The following SLC44A5 variants were observed in gnomAD, a reference collection of about 807,000 sequenced individuals.
SLC44A5 encodes solute carrier family 44 member 5, also known as choline transporter-like protein 5.
Under a neutral mutation model 101.8 loss-of-function variants are expected in SLC44A5, and 57 were observed. That is an observed-to-expected ratio of 0.56 (90% CI 0.45 to 0.70). The LOEUF (loss-of-function observed/expected upper bound fraction) is 0.70, where lower values mean the gene tolerates loss of function less well. Among genes scored for constraint, SLC44A5 ranks in the 30% least tolerant of loss-of-function variants. The pLI, the probability that SLC44A5 is intolerant of heterozygous loss-of-function variation, is 0.00. For synonymous variants in SLC44A5, 281 were observed against 290.9 expected, an observed-to-expected ratio of 0.97 and a Z score of 0.35; for missense variants, 737 against 853.1, an observed-to-expected ratio of 0.86 and a Z score of 1.70.
intron 4 of SLC44A5, among the ~76,000 whole-genome samples, chr1:75,317,811 A>G (rs569045788): frequency 2.6e-5 from 4 of 152,200 alleles, no homozygotes; most frequent in South Asian, 2.1e-4. Context: ...GTTTCTTCTT[A>G]TAAGGTCACT....
chr1:75,285,752 T>C (rs988748810), intron 5 of SLC44A5, among the ~76,000 whole-genome samples: 2 of 152,128 alleles, frequency 1.3e-5, no homozygotes, highest in Admixed American at 1.3e-4. Context: ...GAGCAGGTTA[T>C]TTAATTTCCA....
chr1:75,259,549 T>A (rs1650309239), intron 6 of SLC44A5, among the ~76,000 whole-genome samples: 1 of 152,124 alleles, frequency 6.6e-6, no homozygotes, highest in African/African-American at 2.4e-5. Flanking sequence ...CAAATATATG[T>A]TTGATTGGTG....
intron 6 of SLC44A5, among the ~76,000 whole-genome samples, chr1:75,264,975 G>A (rs987362686): frequency 6.6e-6 from 1 of 152,108 alleles, no homozygotes; most frequent in Non-Finnish European, 1.5e-5. Context: ...CGCTATCAGA[G>A]ACTGTTATGA....
the SLC44A5 span, among the ~76,000 whole-genome samples, chr1:75,618,129 G>A: frequency 2.0e-5 from 3 of 152,188 alleles, no homozygotes; most frequent in Non-Finnish European, 2.9e-5. Context: ...GACCAGGAAT[G>A]GTTTCCTTTT....
In SLC44A5 at chr1:75,400,421, T is replaced by C. The variant is rs1447565006; in HGVS notation, c.14-3800A>G. Among the ~76,000 whole-genome samples the C allele has an allele frequency of 2.0e-5, 3 of 152,314 alleles. No individual in the cohort carries two copies. In the East Asian group the frequency reaches 5.8e-4, roughly 29 times the overall value. Reference sequence around the variant, plus strand: ...TGAAATGGAAGTGCATGGGTCCTTCTCACAGAGCCTATTTTTTAGTACTCA... The same window carrying C: ...TGAAATGGAAGTGCATGGGTCCTTCCCACAGAGCCTATTTTTTAGTACTCA... On this transcript the variant is annotated intron_variant, in intron 2 of 23. Transcript: ENST00000370859.
At chr1:75,211,968 C>T (rs1214907121) in intron 22 of SLC44A5, among the ~76,000 whole-genome samples, 1 of 151,112 alleles carries the variant, frequency 6.6e-6, no homozygotes, top group South Asian at 2.1e-4. Context: ...ATTTCTCCCT[C>T]GGATAACAGT....
intron 2 of SLC44A5, among the ~76,000 whole-genome samples, chr1:75,422,916 A>G (rs923157104): frequency 6.6e-6 from 1 of 152,218 alleles, no homozygotes; most frequent in African/African-American, 2.4e-5. Context: ...CAGACTTAAC[A>G]GAAGCCAGAC....
At chr1:75,293,306 G>A (rs1653709895) in intron 5 of SLC44A5, among the ~76,000 whole-genome samples, 1 of 152,140 alleles carries the variant, frequency 6.6e-6, no homozygotes, top group South Asian at 2.1e-4. Context: ...TTGTGCTCTA[G>A]GGTTGAGTCA....
chr1:75,288,024 T>C (rs1653212617), intron 5 of SLC44A5, among the ~76,000 whole-genome samples: 1 of 152,174 alleles, frequency 6.6e-6, no homozygotes, highest in Non-Finnish European at 1.5e-5. Context: ...AGGAGCTGGA[T>C]GGGGCCATGG....
chr1:75,508,528 C>T (rs878956643), intron 2 of SLC44A5, among the ~76,000 whole-genome samples: 5 of 151,762 alleles, frequency 3.3e-5, no homozygotes, highest in African/African-American at 1.2e-4. Context: ...AGTATTGAGA[C>T]ACAAAAATCC....
Position 75,469,792 on chromosome 1 carries a change from C to A in SLC44A5, c.13+71643G>T, listed in dbSNP as rs976901054. Among the ~76,000 whole-genome samples the A allele has an allele frequency of 2.0e-5, 3 of 150,196 alleles. No individual in the cohort carries two copies. The Admixed American group carries it at 2.0e-4, about 10-fold the overall frequency. ...GTGTATGCCTGTAGTCCTAGCTACTCAGGAAGCTGAGGTGGGAGGATCATT... is the reference window on the plus strand; with the variant it reads ...GTGTATGCCTGTAGTCCTAGCTACTAAGGAAGCTGAGGTGGGAGGATCATT... On this transcript the variant is annotated intron_variant, in intron 2 of 23. Transcript: ENST00000370859.
intron 3 of SLC44A5, among the ~76,000 whole-genome samples, chr1:75,377,020 C>T (rs948962988): frequency 7.9e-5 from 12 of 152,144 alleles, no homozygotes; most frequent in East Asian, 5.8e-4. Context: ...TCGAGAACTA[C>T]GTGAAGAATG....
intron 7 of SLC44A5, among the ~76,000 whole-genome samples, chr1:75,246,876 C>T (rs560701350): frequency 1.3e-5 from 2 of 151,928 alleles, no homozygotes; most frequent in African/African-American, 2.4e-5. Context: ...AACAAATGGC[C>T]AGTGTGACCC....
chr1:75,488,774 T>G (rs1192745063), intron 2 of SLC44A5, among the ~76,000 whole-genome samples: 1 of 152,230 alleles, frequency 6.6e-6, no homozygotes, highest in Non-Finnish European at 1.5e-5. Flanking sequence ...TAGCAATAAT[T>G]TATATGTTCT....
chr1:75,529,415 C>T (rs1004377452), intron 2 of SLC44A5, among the ~76,000 whole-genome samples: 1 of 152,138 alleles, frequency 6.6e-6, no homozygotes, highest in East Asian at 1.9e-4. Context: ...TCTCTTAGCA[C>T]CCACACAGTC....
At chr1:75,612,351 CCTAA>C (rs1488350444), upstream of SLC44A5, among the ~76,000 whole-genome samples, 5 of 152,090 alleles carry the variant, frequency 3.3e-5, no homozygotes, top group African/African-American at 1.2e-4. Context: ...CTGGCTTCTC[CCTAA>C]CTGTCTCTTC....
At chr1:75,392,064 A>G (rs1661826797) in intron 3 of SLC44A5, among the ~76,000 whole-genome samples, 1 of 152,054 alleles carries the variant, frequency 6.6e-6, no homozygotes, top group Admixed American at 6.6e-5. Context: ...TGGAAGGATT[A>G]CTGGAGCCTA....
the SLC44A5 span, among the ~76,000 whole-genome samples, chr1:75,693,802 G>A: frequency 6.6e-6 from 1 of 152,110 alleles, no homozygotes. Flanking sequence ...ACTCCAGAAG[G>A]AGGAAGTGAT....
the SLC44A5 span, among the ~76,000 whole-genome samples, chr1:75,674,688 A>G: frequency 2.0e-5 from 3 of 151,888 alleles, no homozygotes; most frequent in African/African-American, 7.3e-5. Flanking sequence ...AGCCAGAAAA[A>G]ATAATTTTAA....
Sources: allele counts gnomAD v4.1 joint callset (sites outside exome capture counted in the v4.1 genomes callset), GRCh38; gene constraint gnomAD v4.1.1; transcripts MANE v1.5; gene names NCBI Gene and HGNC (gene_info 2026-07-23, HGNC 2026-07-21).